SORCS3: variants seen among roughly 807,000 people sequenced by gnomAD.
SORCS3 encodes sortilin related VPS10 domain containing receptor 3.
A neutral mutation model predicts 146.3 loss-of-function variants in SORCS3; 57 were observed. The ratio of observed to expected loss-of-function variants is 0.39; its 90% CI spans 0.31 to 0.49. SORCS3 has a LOEUF of 0.49. SORCS3 is among the 20% of genes least tolerant of loss of function. SORCS3 has a pLI of 0.92. For synonymous variants in SORCS3, 653 were observed against 618.5 expected (o/e 1.06, Z -0.83); for missense variants, 1,341 against 1,575.5 (o/e 0.85, Z 2.52).
chr10:104,652,301 C>T (rs1589447381), intron 1 of SORCS3, among the ~76,000 whole-genome samples: 1 of 152,104 alleles, frequency 6.6e-6, no homozygotes, highest in African/African-American at 2.4e-5. Context: ...GTTTCGTCAC[C>T]TATAAAATGA....
chr10:105,097,681 A>C (rs1186887114), intron 6 of SORCS3, among the ~76,000 whole-genome samples: 1 of 152,190 alleles, frequency 6.6e-6, no homozygotes, highest in East Asian at 1.9e-4. Flanking sequence ...CAGTTTACTA[A>C]TGATGATCTT....
intron 1 of SORCS3, among the ~76,000 whole-genome samples, chr10:104,733,625 G>A (rs571511827): frequency 4.6e-5 from 7 of 151,574 alleles, no homozygotes; most frequent in Non-Finnish European, 2.9e-5. Flanking sequence ...TAAGAAATAC[G>A]GAGATCAGAG....
At chr10:104,673,420 G>A (rs930751840) in intron 1 of SORCS3, among the ~76,000 whole-genome samples, 4 of 76,148 alleles carry the variant, frequency 5.3e-5, no homozygotes, top group African/African-American at 1.1e-4. Context: ...TCTTATTTCC[G>A]TGTGTGTGTG....
intron 1 of SORCS3, among the ~76,000 whole-genome samples, chr10:104,787,644 G>C (rs1230915955): frequency 6.6e-6 from 1 of 152,100 alleles, no homozygotes; most frequent in Admixed American, 6.5e-5. Context: ...ATTTTTGCCT[G>C]TACAACATCA....
intron 1 of SORCS3, among the ~76,000 whole-genome samples, chr10:104,697,571 G>T (rs2016231663): frequency 1.3e-5 from 2 of 152,258 alleles, no homozygotes; most frequent in African/African-American, 2.4e-5. Flanking sequence ...ATCAAAGTTA[G>T]CCTGTGCACT....
At chr10:104,970,444 C>T (rs971886766) in intron 3 of SORCS3, among the ~76,000 whole-genome samples, 3 of 152,144 alleles carry the variant, frequency 2.0e-5, no homozygotes, top group Admixed American at 1.3e-4. Flanking sequence ...AAAAAGCCTC[C>T]TTCTTACCCA....
chr10:105,071,194 A>G (rs956462400), intron 5 of SORCS3, among the ~76,000 whole-genome samples: 7 of 151,766 alleles, frequency 4.6e-5, no homozygotes, highest in Non-Finnish European at 1.0e-4. Context: ...TGGGGAGGGA[A>G]TCAAATGGAG....
At chr10:105,032,925 T>C (rs1006691338) in intron 4 of SORCS3, among the ~76,000 whole-genome samples, 2 of 152,180 alleles carry the variant, frequency 1.3e-5, no homozygotes, top group South Asian at 2.1e-4. Flanking sequence ...GGGCCCATCA[T>C]CTCATGGAGG....
intron 2 of SORCS3, among the ~76,000 whole-genome samples, chr10:104,851,130 A>G (rs2018270288): frequency 6.6e-6 from 1 of 152,236 alleles, no homozygotes; most frequent in African/African-American, 2.4e-5. Context: ...GCCCTCAGAC[A>G]TCTTACTTTG....
intron 22 of SORCS3, 34 bp downstream of exon 22, chr10:105,247,365 G>C (rs747749812): frequency 7.9e-7 from 1 of 1,272,090 alleles, no homozygotes; most frequent in Non-Finnish European, 1.1e-6. Context: ...AAGTTCTTGT[G>C]AATAAAGAAA....
chr10:104,702,951 A>T lies in SORCS3; in HGVS notation c.627+60997A>T, dbSNP rs575745776. Among the ~76,000 whole-genome samples the T allele has an allele frequency of 2.0e-5, 3 of 152,300 alleles. No homozygotes were observed. The South Asian group carries it at 6.2e-4, about 32-fold the overall frequency. On this transcript the variant is annotated intron_variant, in intron 1 of 26. Coordinates refer to ENST00000369701, the MANE Select transcript of SORCS3 (RefSeq NM_014978.3). ...CTTCCTGCCCTGGCTTTTGCTAGGCATTGGAGAAATAATGGCAAACAAAAC... is the reference window on the plus strand; with the variant it reads ...CTTCCTGCCCTGGCTTTTGCTAGGCTTTGGAGAAATAATGGCAAACAAAAC...
chr10:105,194,013 G>A (rs2056531243), intron 14 of SORCS3, among the ~76,000 whole-genome samples: 1 of 152,084 alleles, frequency 6.6e-6, no homozygotes, highest in Non-Finnish European at 1.5e-5. Context: ...GAGAAAAATG[G>A]GAGTTATAAA....
At chr10:105,032,295 G>T (rs907416139) in intron 4 of SORCS3, among the ~76,000 whole-genome samples, 35 of 152,182 alleles carry the variant, frequency 2.3e-4, no homozygotes, top group African/African-American at 8.0e-4. Context: ...GAGATTTTGA[G>T]CAAGTTCCTA....
At position 105,043,061 on chromosome 10, in the gene SORCS3, A is replaced by G; in HGVS notation, c.961A>G (p.Ser321Gly). 1.2e-6 allele frequency: 2 copies of G among 1,613,780 alleles called. No individual in the cohort carries two copies. The highest frequency in any genetic ancestry group is 1.7e-6 in the Non-Finnish European group (2 of 1,179,750). ...LAYSLDQKLY[S>G]SMDFGRRWQL... is the part of the protein sequence containing the mutation. ...TCACTTCATTGTTTTGCAGCTCTAC[A>G]GCTCCATGGACTTTGGAAGACGGTG... Residue 321 changes from serine (S) to glycine (G), a missense_variant, in exon 5 of 27, where the codon AGC becomes GGC. Transcript: ENST00000369701.
intron 20 of SORCS3, among the ~76,000 whole-genome samples, chr10:105,242,934 T>TTA (rs200016626): frequency 0.99 from 109,615 of 110,608 alleles, 54,334 homozygotes; most frequent in East Asian, 1. Flanking sequence ...GATATATAAA[T>TTA]TATATATAAT....
At chr10:104,948,901 C>CT (rs2019400225) in intron 3 of SORCS3, among the ~76,000 whole-genome samples, 1 of 152,124 alleles carries the variant, frequency 6.6e-6, no homozygotes, top group African/African-American at 2.4e-5. Flanking sequence ...GCCCAGCTAC[C>CT]CACTAAATGT....
intron 4 of SORCS3, among the ~76,000 whole-genome samples, chr10:104,987,595 T>TA (rs2054969675): frequency 6.6e-6 from 1 of 151,940 alleles, no homozygotes; most frequent in African/African-American, 2.4e-5. Context: ...TCTTCAGCGT[T>TA]TTTTTCACTG....
chr10:105,108,816 G>A (rs1318246146), intron 7 of SORCS3, among the ~76,000 whole-genome samples: 1 of 152,138 alleles, frequency 6.6e-6, no homozygotes, highest in East Asian at 1.9e-4. Context: ...GAATGCCAAT[G>A]AGTTGCAGGT....
At chr10:104,749,194 T>C (rs1248994461) in intron 1 of SORCS3, among the ~76,000 whole-genome samples, 1 of 151,854 alleles carries the variant, frequency 6.6e-6, no homozygotes, top group Admixed American at 6.6e-5. Flanking sequence ...TACTGAGCAG[T>C]GACCATGTAC....
Sources: gnomAD v4.1 joint callset for allele counts (sites outside exome capture counted in the v4.1 genomes callset) on GRCh38, gnomAD v4.1.1 for gene constraint, MANE v1.5 for transcripts, NCBI Gene and HGNC (gene_info 2026-07-23, HGNC 2026-07-21) for gene names.